ESRRB: variants seen among roughly 807,000 people sequenced by gnomAD.
ESRRB encodes estrogen related receptor beta.
ESRRB carries 16 observed loss-of-function variants against 46.0 expected under a neutral mutation model. The observed-to-expected ratio is 0.35, with a 90% CI of 0.24 to 0.53. The LOEUF is 0.53. Ranked by LOEUF, ESRRB falls within the 20% of genes least tolerant of loss-of-function variation. ESRRB has a pLI of 0.93. For synonymous variants in ESRRB, 246 were observed against 259.6 expected (o/e 0.95, Z 0.50); for missense variants, 488 against 607.4 (o/e 0.80, Z 2.07).
intron 1 of ESRRB, among the ~76,000 whole-genome samples, chr14:76,354,930 C>T (rs773536081): frequency 6.6e-6 from 1 of 151,862 alleles, no homozygotes; most frequent in Non-Finnish European, 1.5e-5. Context: ...AGGCTGGTCT[C>T]GAACTCCTGA....
intron 2 of ESRRB, among the ~76,000 whole-genome samples, chr14:76,449,973 T>C (rs1888319294): frequency 6.6e-6 from 1 of 152,186 alleles, no homozygotes; most frequent in African/African-American, 2.4e-5. Flanking sequence ...TTGCCTACAC[T>C]GGTCTTGAAT....
intron 1 of ESRRB, among the ~76,000 whole-genome samples, chr14:76,345,176 C>G (rs1884235582): frequency 6.6e-6 from 1 of 152,126 alleles, no homozygotes; most frequent in South Asian, 2.1e-4. Context: ...GCAATAGAAA[C>G]AAAGATAAAT....
intron 1 of ESRRB, among the ~76,000 whole-genome samples, chr14:76,331,686 G>C (rs1884015438): frequency 6.6e-6 from 1 of 152,004 alleles, no homozygotes; most frequent in African/African-American, 2.4e-5. Context: ...CTAATTTGGA[G>C]ATCTCGACAT....
chr14:76,441,538 C>T (rs116095860), intron 2 of ESRRB, among the ~76,000 whole-genome samples: 2,038 of 152,278 alleles, frequency 0.013, 45 homozygotes, highest in African/African-American at 0.047. Flanking sequence ...TCTCGAACAC[C>T]TGGGCTCAAA....
chr14:76,496,857 G>C (rs4903416), intron 6 of ESRRB, among the ~76,000 whole-genome samples: 143,438 of 152,276 alleles, frequency 0.94, 67,882 homozygotes, highest in South Asian at 1. Context: ...TGCTGGCTGC[G>C]GTTTACCCCA....
At chr14:76,357,300 C>A (rs1884390831) in intron 1 of ESRRB, among the ~76,000 whole-genome samples, 1 of 152,148 alleles carries the variant, frequency 6.6e-6, no homozygotes, top group East Asian at 1.9e-4. Context: ...TAATAAAGAG[C>A]CCTAATAAAA....
chr14:76,392,112 T>C (rs1885493695), intron 1 of ESRRB, among the ~76,000 whole-genome samples: 1 of 152,230 alleles, frequency 6.6e-6, no homozygotes, highest in African/African-American at 2.4e-5. Flanking sequence ...CCCCCATGGC[T>C]CTCAGCAGGC....
chr14:76,363,031 T>C (rs1884481941), intron 1 of ESRRB, among the ~76,000 whole-genome samples: 1 of 152,182 alleles, frequency 6.6e-6, no homozygotes, highest in African/African-American at 2.4e-5. Flanking sequence ...AGGAACTAAG[T>C]CTCCATAAAG....
intron 1 of ESRRB, among the ~76,000 whole-genome samples, chr14:76,318,230 TA>T (rs1048975373): frequency 6.6e-6 from 1 of 152,152 alleles, no homozygotes; most frequent in Non-Finnish European, 1.5e-5. Flanking sequence ...CCAGGTTTGC[TA>T]AAAGTCCTTT....
At chr14:76,440,165 G>T (rs1887860488) in intron 2 of ESRRB, among the ~76,000 whole-genome samples, 1 of 152,064 alleles carries the variant, frequency 6.6e-6, no homozygotes, top group Admixed American at 6.6e-5. Context: ...CCTTGTTTTT[G>T]TCTTACTTAT....
chr14:76,393,867 C>G (rs1885562922), intron 1 of ESRRB, among the ~76,000 whole-genome samples: 1 of 152,168 alleles, frequency 6.6e-6, no homozygotes, highest in African/African-American at 2.4e-5. Flanking sequence ...GTGGCACGAG[C>G]TCAGCACACT....
intron 1 of ESRRB, among the ~76,000 whole-genome samples, chr14:76,329,977 G>A: frequency 6.7e-6 from 1 of 149,568 alleles, no homozygotes; most frequent in Non-Finnish European, 1.5e-5. Context: ...GGGGAGGGAG[G>A]GAGGGGAAGA....
At chr14:76,490,290 G>C (rs966759186) in intron 5 of ESRRB, among the ~76,000 whole-genome samples, 1 of 152,164 alleles carries the variant, frequency 6.6e-6, no homozygotes, top group Non-Finnish European at 1.5e-5. Flanking sequence ...TTGAAAATCA[G>C]CTGACTTATT....
At chr14:76,342,264 G>A (rs1469888842) in intron 1 of ESRRB, among the ~76,000 whole-genome samples, 1 of 152,172 alleles carries the variant, frequency 6.6e-6, no homozygotes, top group Non-Finnish European at 1.5e-5. Flanking sequence ...TTTCCCAGGG[G>A]TGAGCAGCCT....
chr14:76,322,362 A>G lies in ESRRB; in HGVS notation c.2+11446A>G, dbSNP rs150887631. Among the ~76,000 whole-genome samples the G allele has an allele frequency of 6.2e-3, 949 of 152,326 alleles. 10 individuals carry two copies. Among genetic ancestry groups the G allele is most frequent in the African/African-American group, 0.019 (786 of 41,580 alleles). ...AGCCGGGAACCATGTTGGAGAATGC[A>G]GACCTAATCTGCAGGTTTAGACTTT... On this transcript the variant is annotated intron_variant, in intron 1 of 6. Transcript: ENST00000512784.
chr14:76,437,074 C>T (rs897246926), intron 1 of ESRRB, among the ~76,000 whole-genome samples: 5 of 152,080 alleles, frequency 3.3e-5, no homozygotes, highest in Admixed American at 1.3e-4. Context: ...CTCTGTCTCC[C>T]GGGCTAGAGT....
intron 1 of ESRRB, among the ~76,000 whole-genome samples, chr14:76,433,229 T>C (rs1223649196): frequency 2.0e-5 from 3 of 152,180 alleles, no homozygotes; most frequent in African/African-American, 7.2e-5. Flanking sequence ...CCGATGAAGA[T>C]TGAAGTACAG....
intron 5 of ESRRB, among the ~76,000 whole-genome samples, chr14:76,485,479 G>A (rs1304621490): frequency 2.6e-5 from 4 of 151,638 alleles, no homozygotes; most frequent in Admixed American, 1.3e-4. Flanking sequence ...TGACCTCAAG[G>A]GATCCACCCA....
chr14:76,429,344 G>A (rs902217147), intron 1 of ESRRB, among the ~76,000 whole-genome samples: 6 of 152,172 alleles, frequency 3.9e-5, no homozygotes, highest in African/African-American at 1.2e-4. Flanking sequence ...GACTCCAGCT[G>A]TGCTGAAGTG....
Sources: allele counts gnomAD v4.1 joint callset (sites outside exome capture counted in the v4.1 genomes callset), GRCh38; gene constraint gnomAD v4.1.1; transcripts MANE v1.5; gene names NCBI Gene and HGNC (gene_info 2026-07-23, HGNC 2026-07-21).